Variants in WWOX observed in about 807,000 individuals in gnomAD.
WWOX encodes WW domain containing oxidoreductase.
A neutral mutation model predicts 46.2 loss-of-function variants in WWOX; 69 were observed. The observed-to-expected ratio is 1.49, with a 90% CI of 1.23 to 1.82. The LOEUF (loss-of-function observed/expected upper bound fraction) is 1.82. WWOX is among the 40% of genes most tolerant of loss of function. The pLI, the probability that WWOX is intolerant of heterozygous loss-of-function variation, is 0.00. For missense variants in WWOX, 919 were observed against 542.6 expected, an observed-to-expected ratio of 1.69 and a Z score of -6.89; for synonymous variants, 359 against 202.6, an observed-to-expected ratio of 1.77 and a Z score of -6.56.
chr16:78,127,829 G>C (rs1259347501), intron 4 of WWOX, among the ~76,000 whole-genome samples: 1 of 152,174 alleles, frequency 6.6e-6, no homozygotes, highest in Non-Finnish European at 1.5e-5. Flanking sequence ...AGGTAGGACA[G>C]TTTTATTGGC....
At chr16:78,944,176 C>G (rs1447861906) in intron 8 of WWOX, among the ~76,000 whole-genome samples, 2 of 152,166 alleles carry the variant, frequency 1.3e-5, no homozygotes, top group Non-Finnish European at 2.9e-5. Flanking sequence ...TCTTTCAAGA[C>G]TCAGCACAAC....
At chr16:78,767,752 A>G (rs1232235663) in intron 8 of WWOX, among the ~76,000 whole-genome samples, 1 of 152,162 alleles carries the variant, frequency 6.6e-6, no homozygotes, top group Non-Finnish European at 1.5e-5. Context: ...AAAATAGAAT[A>G]GCCATCTGAG....
intron 5 of WWOX, among the ~76,000 whole-genome samples, chr16:78,382,735 C>G (rs183155589): frequency 8.5e-5 from 13 of 152,182 alleles, no homozygotes; most frequent in Non-Finnish European, 1.3e-4. Context: ...TGGAACAGTT[C>G]TATGTCTTGA....
chr16:78,285,271 A>G (rs1167003833), intron 5 of WWOX, among the ~76,000 whole-genome samples: 1 of 151,932 alleles, frequency 6.6e-6, no homozygotes, highest in Non-Finnish European at 1.5e-5. Context: ...TGTCTCTACT[A>G]AAAAAAGAGA....
At chr16:78,109,941 G>A in intron 3 of WWOX, 106 bp downstream of exon 3, 1 of 1,187,726 alleles carries the variant, frequency 8.4e-7, no homozygotes, top group Non-Finnish European at 1.2e-6. Flanking sequence ...AAGTATAACA[G>A]TGTGTATCTG....
chr16:78,616,869 A>G (rs2046038101), intron 8 of WWOX, among the ~76,000 whole-genome samples: 1 of 152,136 alleles, frequency 6.6e-6, no homozygotes, highest in South Asian at 2.1e-4. Flanking sequence ...TCCTAATGTT[A>G]CCACTCTGGA....
chr16:78,934,865 C>G (rs1407023963), intron 8 of WWOX, among the ~76,000 whole-genome samples: 1 of 152,116 alleles, frequency 6.6e-6, no homozygotes, highest in Non-Finnish European at 1.5e-5. Flanking sequence ...TTTGGGAGGC[C>G]AAGGCGGGTG....
chr16:79,188,920 G>A (rs2051073088), intron 8 of WWOX, among the ~76,000 whole-genome samples: 2 of 152,154 alleles, frequency 1.3e-5, no homozygotes, highest in Admixed American at 1.3e-4. Flanking sequence ...GCACCAGAGG[G>A]AAAATATTAC....
At chr16:78,831,584 G>C (rs762359328) in intron 8 of WWOX, among the ~76,000 whole-genome samples, 7 of 152,142 alleles carry the variant, frequency 4.6e-5, no homozygotes, top group Non-Finnish European at 1.0e-4. Flanking sequence ...CAGGCTGCAT[G>C]ATGATTGGGT....
intron 8 of WWOX, among the ~76,000 whole-genome samples, chr16:78,862,262 A>G (rs2043904512): frequency 6.6e-6 from 1 of 150,556 alleles, no homozygotes; most frequent in African/African-American, 2.5e-5. Flanking sequence ...GTCTGTCTGT[A>G]CCTATACACA....
intron 8 of WWOX, among the ~76,000 whole-genome samples, chr16:78,657,955 G>A (rs1000250862): frequency 1.3e-5 from 2 of 152,116 alleles, no homozygotes; most frequent in African/African-American, 4.8e-5. Context: ...ACCTTGGGAA[G>A]TGGACTCAGA....
rs926497529 is a variant in WWOX at position 78,625,315 on chromosome 16, C to G, written c.1056+192563C>G. Among the ~76,000 whole-genome samples the G allele has an allele frequency of 2.6e-4, 40 of 152,162 alleles. 1 individual carries two copies. The highest frequency in any genetic ancestry group is 9.4e-4 in the African/African-American group (39 of 41,456). ...GCTCCTCACTAAAGGGGAGGAATCCCTGGAGCCTCCCCATCCAAGGCCAGC... is the reference window on the plus strand; with the variant it reads ...GCTCCTCACTAAAGGGGAGGAATCCGTGGAGCCTCCCCATCCAAGGCCAGC... On this transcript the variant is annotated intron_variant, in intron 8 of 8. Transcript: ENST00000566780.
chr16:78,266,244 GA>G lies in WWOX; in HGVS notation c.516+101958del, dbSNP rs1310423848. On this transcript the variant is annotated intron_variant, in intron 5 of 8. Coordinates refer to ENST00000566780, the MANE Select transcript of WWOX (RefSeq NM_016373.4). ...GTTTTATTACATGTAAAAATTGTAT[GA>G]AATTCAAATTTCAGTGTTCATAACT... 3.3e-5 allele frequency among the ~76,000 whole-genome samples: 5 copies of G among 152,158 alleles called. No homozygotes were observed. The East Asian group carries it at 9.6e-4, about 29-fold the overall frequency.
chr16:78,425,097 A>G (rs749917475), intron 7 of WWOX, 42 bp downstream of exon 7: 2 of 1,604,888 alleles, frequency 1.2e-6, no homozygotes, highest in Non-Finnish European at 1.7e-6. Flanking sequence ...CCCCTTTCTC[A>G]TACCAGCTAA....
intron 5 of WWOX, among the ~76,000 whole-genome samples, chr16:78,236,637 G>A (rs374241989): frequency 6.6e-6 from 1 of 152,162 alleles, no homozygotes; most frequent in African/African-American, 2.4e-5. Flanking sequence ...CTTGGCTCAA[G>A]CAGGATAAGA....
At chr16:78,249,037 T>C (rs1452232851) in intron 5 of WWOX, among the ~76,000 whole-genome samples, 2 of 151,978 alleles carry the variant, frequency 1.3e-5, no homozygotes, top group Non-Finnish European at 2.9e-5. Context: ...TTTTGTACTT[T>C]TAGTAGAGAT....
chr16:78,814,501 T>G (rs550849671), intron 8 of WWOX, among the ~76,000 whole-genome samples: 1 of 152,280 alleles, frequency 6.6e-6, no homozygotes, highest in African/African-American at 2.4e-5. Flanking sequence ...ACCTCTACTT[T>G]AGAATGTTGG....
chr16:78,480,026 C>T (rs1363904291), intron 8 of WWOX, among the ~76,000 whole-genome samples: 2 of 152,166 alleles, frequency 1.3e-5, no homozygotes, highest in South Asian at 4.1e-4. Context: ...AGCAGTCATA[C>T]CTTCTCGAAG....
intron 8 of WWOX, among the ~76,000 whole-genome samples, chr16:79,201,567 C>T (rs924995727): frequency 1.3e-5 from 2 of 152,144 alleles, no homozygotes; most frequent in African/African-American, 4.8e-5. Context: ...TCAATTAATG[C>T]ATTTACACTG....
Sources: allele counts gnomAD v4.1 joint callset (sites outside exome capture counted in the v4.1 genomes callset), GRCh38; gene constraint gnomAD v4.1.1; transcripts MANE v1.5; gene names NCBI Gene and HGNC (gene_info 2026-07-23, HGNC 2026-07-21).